Variants in GALNT13 observed in about 807,000 individuals in gnomAD.
The protein encoded by GALNT13 is polypeptide N-acetylgalactosaminyltransferase 13, also known as UDP-GalNAc:polypeptide N-acetylgalactosaminyltransferase 13.
Under a neutral mutation model 64.2 loss-of-function variants are expected in GALNT13, and 28 were observed. The ratio of observed to expected loss-of-function variants is 0.44; its 90% CI spans 0.32 to 0.60. The LOEUF is 0.60. Ranked by LOEUF, GALNT13 falls within the 20% of genes least tolerant of loss-of-function variation. The pLI is 0.05. For synonymous variants in GALNT13, 214 were observed against 224.6 expected, an observed-to-expected ratio of 0.95 and a Z score of 0.42; for missense variants, 577 against 669.8, an observed-to-expected ratio of 0.86 and a Z score of 1.53.
chr2:153,312,074 A>G, the GALNT13 span, among the ~76,000 whole-genome samples: 1 of 152,336 alleles, frequency 6.6e-6, no homozygotes, highest in South Asian at 2.1e-4. Context: ...GTAAATTGCC[A>G]AAGTGATTTT....
the GALNT13 span, among the ~76,000 whole-genome samples, chr2:153,808,404 A>G: frequency 3.3e-5 from 5 of 151,244 alleles, no homozygotes; most frequent in African/African-American, 1.2e-4. Context: ...TTTTCTTTCT[A>G]CTCTTCAAAT....
the GALNT13 span, among the ~76,000 whole-genome samples, chr2:153,624,567 C>A: frequency 6.6e-6 from 1 of 152,080 alleles, no homozygotes; most frequent in Non-Finnish European, 1.5e-5. Flanking sequence ...GGAAGACATG[C>A]AACAGAGCCA....
At chr2:153,130,081 C>T in the GALNT13 span, among the ~76,000 whole-genome samples, 23,578 of 152,080 alleles carry the variant, frequency 0.16, 2,068 homozygotes, top group Middle Eastern at 0.23. Context: ...TACCTAATAC[C>T]AAGTGCATCA....
chr2:153,568,785 C>T, the GALNT13 span, among the ~76,000 whole-genome samples: 1 of 152,218 alleles, frequency 6.6e-6, no homozygotes, highest in Non-Finnish European at 1.5e-5. Flanking sequence ...ACATACCTCC[C>T]GAAAGTTACC....
intron 9 of GALNT13, among the ~76,000 whole-genome samples, chr2:154,354,150 C>G (rs1696578631): frequency 1.3e-5 from 2 of 152,096 alleles, no homozygotes; most frequent in South Asian, 4.1e-4. Context: ...TTGCATATCC[C>G]TGATGATTAA....
At chr2:153,557,496 A>G in the GALNT13 span, among the ~76,000 whole-genome samples, 1 of 152,150 alleles carries the variant, frequency 6.6e-6, no homozygotes, top group Non-Finnish European at 1.5e-5. Flanking sequence ...GCTATGAGTT[A>G]CAGCTGAACA....
At chr2:153,765,806 G>T in the GALNT13 span, among the ~76,000 whole-genome samples, 4 of 152,232 alleles carry the variant, frequency 2.6e-5, no homozygotes, top group Non-Finnish European at 5.9e-5. Context: ...AATCACAGGG[G>T]TGGTTTCCTC....
At chr2:153,749,704 C>T in the GALNT13 span, among the ~76,000 whole-genome samples, 10 of 151,608 alleles carry the variant, frequency 6.6e-5, no homozygotes, top group East Asian at 3.9e-4. Context: ...GCAACTTTGG[C>T]GAGTTTTTCA....
intron 10 of GALNT13, among the ~76,000 whole-genome samples, chr2:154,404,063 T>C (rs1699419536): frequency 6.6e-6 from 1 of 152,184 alleles, no homozygotes; most frequent in African/African-American, 2.4e-5. Context: ...GCAGGTTTCC[T>C]AAACCATTGA....
the GALNT13 span, among the ~76,000 whole-genome samples, chr2:153,139,083 ATCATT>A: frequency 2.6e-5 from 4 of 152,238 alleles, no homozygotes; most frequent in East Asian, 5.8e-4. Flanking sequence ...GGCATGTGAC[ATCATT>A]TCATGTTATT....
At chr2:153,410,153 A>G in the GALNT13 span, among the ~76,000 whole-genome samples, 1 of 152,054 alleles carries the variant, frequency 6.6e-6, no homozygotes, top group Non-Finnish European at 1.5e-5. Context: ...TGGCAATATC[A>G]CAACTCACTG....
chr2:154,181,433 C>T (rs1025108416), intron 4 of GALNT13, among the ~76,000 whole-genome samples: 4 of 152,032 alleles, frequency 2.6e-5, no homozygotes, highest in African/African-American at 9.7e-5. Context: ...CATTTTTTCT[C>T]TCTGGCAGGT....
At chr2:153,568,963 CTTG>C in the GALNT13 span, among the ~76,000 whole-genome samples, 1 of 152,118 alleles carries the variant, frequency 6.6e-6, no homozygotes, top group Non-Finnish European at 1.5e-5. Context: ...CCCATTTAAT[CTTG>C]TTGTGTCATA....
At chr2:153,687,051 G>A in the GALNT13 span, among the ~76,000 whole-genome samples, 2 of 151,874 alleles carry the variant, frequency 1.3e-5, no homozygotes, top group Non-Finnish European at 2.9e-5. Context: ...CCAGTATTTT[G>A]CACAGGATTT....
At chr2:153,775,595 T>C in the GALNT13 span, among the ~76,000 whole-genome samples, 240 of 152,238 alleles carry the variant, frequency 1.6e-3, 2 homozygotes, top group Middle Eastern at 0.014. Context: ...TTATAAAAGA[T>C]ACATAATTCC....
chr2:154,234,742 T>C (rs1689100653), intron 4 of GALNT13, among the ~76,000 whole-genome samples: 1 of 152,146 alleles, frequency 6.6e-6, no homozygotes, highest in African/African-American at 2.4e-5. Context: ...ATTCATACAA[T>C]ATGACTCCTC....
At chr2:154,132,774 A>G (rs1682696798) in intron 3 of GALNT13, among the ~76,000 whole-genome samples, 1 of 152,104 alleles carries the variant, frequency 6.6e-6, no homozygotes, top group African/African-American at 2.4e-5. Flanking sequence ...GCACACCTGT[A>G]ATCCCAGCTA....
chr2:153,094,826 C>A, the GALNT13 span, among the ~76,000 whole-genome samples: 1 of 151,962 alleles, frequency 6.6e-6, no homozygotes, highest in East Asian at 1.9e-4. Context: ...GGGAAAACTG[C>A]CTAGCCATAT....
chr2:154,188,225 C>T (rs926125598), intron 4 of GALNT13, among the ~76,000 whole-genome samples: 1 of 152,004 alleles, frequency 6.6e-6, no homozygotes, highest in African/African-American at 2.4e-5. Flanking sequence ...TCTGTAGCCA[C>T]GCAGAATAAT....
Sources: gnomAD v4.1 joint callset for allele counts (sites outside exome capture counted in the v4.1 genomes callset) on GRCh38, gnomAD v4.1.1 for gene constraint, MANE v1.5 for transcripts, NCBI Gene and HGNC (gene_info 2026-07-23, HGNC 2026-07-21) for gene names.